Variants in FAM171A2 observed in about 807,000 individuals in gnomAD.
FAM171A2 encodes the protein family with sequence similarity 171 member A2, also known as protein FAM171A2.
Under a neutral mutation model 34.2 loss-of-function variants are expected in FAM171A2, and 13 were observed. The observed-to-expected ratio is 0.38, with a 90% confidence interval of 0.25 to 0.60. The LOEUF (loss-of-function observed/expected upper bound fraction) is 0.60. FAM171A2 is among the 20% of genes least tolerant of loss of function. FAM171A2 has a pLI of 0.62. For synonymous variants in FAM171A2, 475 were observed against 561.2 expected (o/e 0.85, Z 2.17); for missense variants, 950 against 1,180.7 (o/e 0.80, Z 2.86).
rs746803618 is a variant in FAM171A2, at chr17:44,353,313, G to A, written c.*420C>T. The stretch of plus-strand genomic sequence containing the variant: ...TCCCAGCCACCAGCCCTGTGACATC[G>A]TAGCCCAGAGATGGGCTAGTCAGCA... On this transcript the variant is annotated 3_prime_UTR_variant, in exon 8 of 8. Coordinates refer to ENST00000293443, the MANE Select transcript of FAM171A2 (RefSeq NM_198475.3). 2 of 182,512 alleles carry A rather than the reference G, an allele frequency of 1.1e-5. No homozygotes were observed. The highest frequency in any genetic ancestry group is 1.2e-4 in the South Asian group (1 of 8,534). The allele number at this position is 182,512 out of a possible 1,614,324, so 11.3% of individuals were successfully genotyped here.
chr17:44,356,093 T>C lies in FAM171A2; in HGVS notation c.779-19A>G. The stretch of plus-strand genomic sequence containing the variant: ...CACAGCCCTGGGAGAGGCAGGGGTT[T>C]TGTCACACTTGAGTCGCTCCCACTC... On this transcript the variant is annotated intron_variant, in intron 5 of 7. Coordinates refer to ENST00000293443, the MANE Select transcript of FAM171A2 (RefSeq NM_198475.3). The C allele has an allele frequency of 5.9e-6, 9 of 1,527,682 alleles. No homozygotes were observed. The highest frequency in any genetic ancestry group is 7.9e-6 in the Non-Finnish European group (9 of 1,132,868). The allele number at this position is 1,527,682 out of a possible 1,614,324, so 94.6% of individuals were successfully genotyped here. A position where few individuals can be genotyped will look rare whatever the true frequency, so the allele number is the denominator to read the frequency against.
intron 1 of FAM171A2, among the ~76,000 whole-genome samples, chr17:44,362,682 G>C (rs1287356779): frequency 2.6e-5 from 4 of 152,284 alleles, no homozygotes; most frequent in African/African-American, 9.6e-5. Flanking sequence ...TGCTGCAGGA[G>C]CCGGCCCCAC....
In FAM171A2 at chr17:44,354,348, G is replaced by T. The variant is rs934086781; in HGVS notation, c.1866C>A (p.Phe622Leu). 3 of 1,433,178 alleles carry T rather than the reference G, an allele frequency of 2.1e-6. No homozygotes were observed. The highest frequency in any genetic ancestry group is 2.8e-6 in the Non-Finnish European group (3 of 1,080,340). 88.8% of individuals were successfully genotyped at this position (1,433,178 alleles called of 1,614,324 possible). The change falls in exon 8 of 8, where the codon TTC becomes TTA. Residue 622 changes from phenylalanine to leucine, a missense_variant. By Grantham distance (22) the Phe-to-Leu change is conservative. Around this residue, in one of 3 missense-constraint regions of FAM171A2, gnomAD observed 752 missense variants for 924.5 expected, o/e 0.81. Coordinates refer to ENST00000293443, the MANE Select transcript of FAM171A2 (RefSeq NM_198475.3). This position sits in a 1 kb window ranked among gnomAD's most constrained non-coding sequence, Gnocchi z 5.8. Reference protein sequence around the residue: ...VSGSVTIPVLFNESTMAQLNG... With the variant: ...VSGSVTIPVLLNESTMAQLNG... The stretch of plus-strand genomic sequence containing the variant: ...TGAGCTGCGCCATGGTGGACTCGTT[G>T]AATAGCACAGGGATGGTGACTGAGC...
rs1030736063 is a variant in FAM171A2 at position 44,355,173 on chromosome 17, C to G, written c.1041G>C (p.Pro347=). 2.2e-5 allele frequency: 34 copies of G among 1,550,670 alleles called. No homozygotes were observed. In the African/African-American group the frequency reaches 4.4e-4, roughly 20 times the overall value. ...IYYCRRRCLK[P]RQQHRKLQLS... ...GCTGCAGCTTGCGGTGCTGTTGCCT[C>G]GGCTTCAGGCAGCGCCTCCTGGAAG... The change falls in exon 8 of 8, where the codon CCG becomes CCC. Residue 347 remains proline, a synonymous_variant. Transcript: ENST00000293443. This position sits in a 1 kb window ranked among gnomAD's most constrained non-coding sequence, Gnocchi z 4.1.
Position 44,355,879 on chromosome 17 carries a change from C to A in FAM171A2, c.896-38G>T, listed in dbSNP as rs1264365019. The A allele has an allele frequency of 2.6e-6, 4 of 1,550,072 alleles. No homozygotes were observed. The highest frequency in any genetic ancestry group is 2.0e-5 in the Admixed American group (1 of 50,962). On this transcript the variant is annotated intron_variant, in intron 6 of 7. Transcript: ENST00000293443. The surrounding 1 kb of genome is among the most constrained non-coding windows in gnomAD (Gnocchi z 4.1). ...AGGGCTTAGCGTTCAGGTGTAGACA[C>A]CCTTCCTGCCTTTCAGAAGTCTGCT...
At position 44,355,936 on chromosome 17, in the gene FAM171A2, C is replaced by G; in HGVS notation, c.895+22G>C. On this transcript the variant is annotated intron_variant, in intron 6 of 7. Transcript: ENST00000293443. The surrounding 1 kb of genome is among the most constrained non-coding windows in gnomAD (Gnocchi z 4.1). ...GCTCCCCTCCTCCGCGGCCTCTACG[C>G]CCACTGCCCCACTACTCTTACCAGC... 1 of 1,540,094 alleles carries G rather than the reference C, an allele frequency of 6.5e-7. No homozygotes were observed. The highest frequency in any genetic ancestry group is 8.8e-7 in the Non-Finnish European group (1 of 1,140,088).
In FAM171A2 at chr17:44,353,661, C is replaced by CGGGGCGCGCACCCTGGGT; in HGVS notation, c.*71_*72insACCCAGGGTGCGCGCCCC. 8.7e-7 allele frequency: 1 copy of CGGGGCGCGCACCCTGGGT among 1,149,054 alleles called. No individual in the cohort carries two copies. Among genetic ancestry groups the CGGGGCGCGCACCCTGGGT allele is most frequent in the Non-Finnish European group, 1.1e-6 (1 of 924,774 alleles). 71.2% of individuals were successfully genotyped at this position (1,149,054 alleles called of 1,614,324 possible). On this transcript the variant is annotated 3_prime_UTR_variant, in exon 8 of 8. Coordinates refer to ENST00000293443, the MANE Select transcript of FAM171A2 (RefSeq NM_198475.3). ...GCTGGGAGCTACGCGCGAGGGCCCC[C>CGGGGCGCGCACCCTGGGT]GCGGGCCCCCGGGGCGCGCACCCTG...
rs1398492325 is a variant in FAM171A2, at chr17:44,363,807, A to AGCTCCG, written c.-99_-94dup. ...GCCCCAGCTCTGCGCCGCGCCTCGC[A>AGCTCCG]GCTCCGGCTCCCGCTCCCGCTGCGG... On this transcript the variant is annotated 5_prime_UTR_variant, in exon 1 of 8. Transcript: ENST00000293443. 9 of 518,148 alleles carry AGCTCCG rather than the reference A, an allele frequency of 1.7e-5. No individual in the cohort carries two copies. The highest frequency in any genetic ancestry group is 4.8e-5 in the East Asian group (1 of 20,692). 32.1% of individuals were successfully genotyped at this position (518,148 alleles called of 1,614,324 possible). A position where few individuals can be genotyped will look rare whatever the true frequency, so the allele number is the denominator to read the frequency against.
At position 44,355,050 on chromosome 17, in the gene FAM171A2, C is replaced by A; in HGVS notation, c.1164G>T (p.Gly388=). 6.5e-7 allele frequency: 1 copy of A among 1,543,396 alleles called. No individual in the cohort carries two copies. The highest frequency in any genetic ancestry group is 8.7e-7 in the Non-Finnish European group (1 of 1,143,844). Residue 388 remains glycine (G), a synonymous_variant, in exon 8 of 8, where the codon GGG becomes GGT. Transcript: ENST00000293443. This position sits in a 1 kb window ranked among gnomAD's most constrained non-coding sequence, Gnocchi z 4.1. ...CGGPLEPAPS[G]DPEAPPPGPL... ...GGCCTGGAGGCGGAGCCTCGGGGTC[C>A]CCCGACGGGGCGGGTTCCAGGGGTC...
chr17:44,357,548 G>A (rs1296212298), intron 3 of FAM171A2, among the ~76,000 whole-genome samples: 2 of 152,070 alleles, frequency 1.3e-5, no homozygotes, highest in African/African-American at 4.8e-5. Flanking sequence ...TCGGGAGGCT[G>A]AGGCAGGAGA....
rs2048397668 is a variant in FAM171A2, at chr17:44,353,275, G to A, written c.*458C>T. The A allele has an allele frequency of 4.2e-6, 1 of 236,812 alleles. No individual in the cohort carries two copies. The highest frequency in any genetic ancestry group is 5.5e-5 in the South Asian group (1 of 18,334). The allele number at this position is 236,812 out of a possible 1,614,324, so 14.7% of individuals were successfully genotyped here. ...ATCGGCTGTATCACATTACCCCCTA[G>A]TCCCCAGAGCTGTCCCAGCCACCAG... is the stretch of plus-strand genomic sequence containing the variant. On this transcript the variant is annotated 3_prime_UTR_variant, in exon 8 of 8. Coordinates refer to ENST00000293443, the MANE Select transcript of FAM171A2 (RefSeq NM_198475.3).
rs900264361 is a variant in FAM171A2 at position 44,363,614 on chromosome 17, T to G, written c.101A>C (p.Glu34Ala). The change falls in exon 1 of 8, where the codon GAG becomes GCG. Residue 34 changes from glutamate (E) to alanine (A), a missense_variant. Transcript: ENST00000293443. ...AGACTCACCCTGCGGGCTGGGGGGCTCCGGCGGCGACTTGCCGGGAGCCCG... is the reference window on the plus strand; with the variant it reads ...AGACTCACCCTGCGGGCTGGGGGGCGCCGGCGGCGACTTGCCGGGAGCCCG... Reference protein sequence around the residue: ...ASRAPGKSPPEPPSPQEILIK... With the variant: ...ASRAPGKSPPAPPSPQEILIK... 4.9e-6 allele frequency: 6 copies of G among 1,228,764 alleles called. No individual in the cohort carries two copies. The African/African-American group carries it at 7.8e-5, about 16-fold the overall frequency. 76.1% of individuals were successfully genotyped at this position (1,228,764 alleles called of 1,614,324 possible). A position where few individuals can be genotyped will look rare whatever the true frequency, so the allele number is the denominator to read the frequency against.
At chr17:44,357,510 G>A (rs1345675564) in intron 3 of FAM171A2, among the ~76,000 whole-genome samples, 3 of 152,084 alleles carry the variant, frequency 2.0e-5, no homozygotes, top group Non-Finnish European at 2.9e-5. Flanking sequence ...AGCCAGGTGC[G>A]GTGGCAGGCG....
At chr17:44,359,503 A>G (rs905577090) in intron 3 of FAM171A2, 76 bp downstream of exon 3, 15 of 1,279,212 alleles carry the variant, frequency 1.2e-5, no homozygotes, top group South Asian at 2.6e-5. Flanking sequence ...CACCCAGCTA[A>G]TATAGGACAG....
In FAM171A2 at chr17:44,360,104, C is replaced by T; in HGVS notation, c.147G>A (p.Val49=). ...QEILIKVQVY[V]SGELVPLARA... ...GGGCCAGGGGCACCAGCTCCCCGCT[C>T]ACATACACCTGCACCTTGATCAGGA... is the stretch of plus-strand genomic sequence containing the variant. The change falls in exon 2 of 8, where the codon GTG becomes GTA. Residue 49 remains valine, a synonymous_variant. Transcript: ENST00000293443. The T allele has an allele frequency of 6.4e-7, 1 of 1,551,634 alleles. No individual in the cohort carries two copies. The highest frequency in any genetic ancestry group is 8.7e-7 in the Non-Finnish European group (1 of 1,146,970).
intron 2 of FAM171A2, 117 bp from the exon 3 acceptor site, chr17:44,359,788 C>T: frequency 7.4e-7 from 1 of 1,351,802 alleles, no homozygotes; most frequent in South Asian, 1.4e-5. Context: ...CTGTGTACCC[C>T]AGCCCAGGCA....
chr17:44,355,183 C>T lies in FAM171A2; in HGVS notation c.1031G>A (p.Cys344Tyr). The change falls in exon 8 of 8, where the codon TGC becomes TAC. Residue 344 changes from cysteine to tyrosine, a missense_variant. Cys to Tyr is a radical substitution (Grantham distance 194). Around this residue, in one of 3 missense-constraint regions of FAM171A2, gnomAD observed 752 missense variants for 924.5 expected, o/e 0.81. Coordinates refer to ENST00000293443, the MANE Select transcript of FAM171A2 (RefSeq NM_198475.3). This position sits in a 1 kb window ranked among gnomAD's most constrained non-coding sequence, Gnocchi z 4.1. ...GCGGTGCTGTTGCCTCGGCTTCAGG[C>T]AGCGCCTCCTGGAAGGGAGGGAGCA... Reference protein sequence around the residue: ...CLLIYYCRRRCLKPRQQHRKL... With the variant: ...CLLIYYCRRRYLKPRQQHRKL... 6.4e-7 allele frequency: 1 copy of T among 1,550,588 alleles called. No homozygotes were observed. Among genetic ancestry groups the T allele is most frequent in the Non-Finnish European group, 8.7e-7 (1 of 1,146,804 alleles).
chr17:44,357,635 A>C (rs901629159), intron 3 of FAM171A2, among the ~76,000 whole-genome samples: 1 of 152,120 alleles, frequency 6.6e-6, no homozygotes, highest in Non-Finnish European at 1.5e-5. Context: ...CAACAGAGTG[A>C]GAATCCATCT....
chr17:44,354,898 G>A lies in FAM171A2; in HGVS notation c.1316C>T (p.Ala439Val), dbSNP rs2048414057. 1 of 1,389,880 alleles carries A rather than the reference G, an allele frequency of 7.2e-7. No individual in the cohort carries two copies. Among genetic ancestry groups the A allele is most frequent in the South Asian group, 1.6e-5 (1 of 63,330 alleles). 86.1% of individuals were successfully genotyped at this position (1,389,880 alleles called of 1,614,324 possible). Residue 439 changes from alanine to valine, a missense_variant, in exon 8 of 8, where the codon GCC becomes GTC. Ala to Val is a moderately conservative substitution (Grantham distance 64). Coordinates refer to ENST00000293443, the MANE Select transcript of FAM171A2 (RefSeq NM_198475.3). The surrounding 1 kb of genome is among the most constrained non-coding windows in gnomAD (Gnocchi z 5.8). ...GGCCGAGCGAGCGCCCTTGAGCCCGGCGCTCTCGCCCCCGCGGGCACCCGA... is the reference window on the plus strand; with the variant it reads ...GGCCGAGCGAGCGCCCTTGAGCCCGACGCTCTCGCCCCCGCGGGCACCCGA... ...EPSGARGGESAGLKGARSAEG... is the reference protein window; with the variant it reads ...EPSGARGGESVGLKGARSAEG...
Sources: allele counts gnomAD v4.1 joint callset (sites outside exome capture counted in the v4.1 genomes callset), GRCh38; gene constraint gnomAD v4.1.1; regional missense constraint gnomAD v4.1.1; non-coding constraint Gnocchi (gnomAD v3.1); transcripts MANE v1.5; gene names NCBI Gene and HGNC (gene_info 2026-07-23, HGNC 2026-07-21).